Variants in CLSTN2 observed in about 807,000 individuals in gnomAD.
CLSTN2 encodes the protein calsyntenin-2.
A neutral mutation model predicts 101.2 loss-of-function variants in CLSTN2; 48 were observed. That is an observed-to-expected ratio of 0.47 (90% confidence interval 0.38 to 0.60). The LOEUF (loss-of-function observed/expected upper bound fraction) is 0.60, where lower values mean the gene tolerates loss of function less well. Among genes scored for constraint, CLSTN2 ranks in the 20% least tolerant of loss-of-function variants. The pLI is 0.00. For missense variants in CLSTN2, 1,160 were observed against 1,238.2 expected (o/e 0.94, Z 0.95); for synonymous variants, 481 against 463.6 (o/e 1.04, Z -0.48).
At chr3:140,282,157 G>A (rs1036450348) in intron 2 of CLSTN2, among the ~76,000 whole-genome samples, 4 of 152,128 alleles carry the variant, frequency 2.6e-5, no homozygotes, top group Admixed American at 1.3e-4. Context: ...CTTACATGAT[G>A]TTCTGCTCAG....
At chr3:140,040,050 C>T (rs952155824) in intron 1 of CLSTN2, among the ~76,000 whole-genome samples, 1 of 152,142 alleles carries the variant, frequency 6.6e-6, no homozygotes, top group Non-Finnish European at 1.5e-5. Flanking sequence ...ATAAGCCAAG[C>T]ATTTTACTAG....
At chr3:140,043,878 G>A (rs1010363796) in intron 1 of CLSTN2, among the ~76,000 whole-genome samples, 4 of 152,070 alleles carry the variant, frequency 2.6e-5, no homozygotes, top group Admixed American at 1.3e-4. Flanking sequence ...TGTTCCATTG[G>A]TCTATATCTC....
At chr3:139,967,104 C>T (rs1203973092) in intron 1 of CLSTN2, among the ~76,000 whole-genome samples, 2 of 152,112 alleles carry the variant, frequency 1.3e-5, no homozygotes, top group Non-Finnish European at 2.9e-5. Flanking sequence ...GCAGGGCTGA[C>T]CCCTGGGCCA....
chr3:139,948,637 G>T (rs1381194172), intron 1 of CLSTN2, among the ~76,000 whole-genome samples: 1 of 152,084 alleles, frequency 6.6e-6, no homozygotes, highest in Non-Finnish European at 1.5e-5. Flanking sequence ...TGAAGTGGTG[G>T]CTCATAGCAA....
intron 2 of CLSTN2, among the ~76,000 whole-genome samples, chr3:140,334,400 G>C (rs1045889311): frequency 6.6e-6 from 1 of 152,180 alleles, no homozygotes; most frequent in African/African-American, 2.4e-5. Context: ...CAGTGTTGGT[G>C]GATTCATTCG....
intron 1 of CLSTN2, among the ~76,000 whole-genome samples, chr3:139,997,498 A>C (rs533673649): frequency 2.6e-5 from 4 of 152,176 alleles, no homozygotes; most frequent in Non-Finnish European, 4.4e-5. Context: ...TTTATACATT[A>C]AAGTTCCATG....
At chr3:139,961,409 A>G (rs966069482) in intron 1 of CLSTN2, among the ~76,000 whole-genome samples, 1 of 152,154 alleles carries the variant, frequency 6.6e-6, no homozygotes, top group African/African-American at 2.4e-5. Flanking sequence ...GTGGCAGAGG[A>G]GGCATTAAGT....
At chr3:140,186,079 C>T (rs915625914) in intron 2 of CLSTN2, among the ~76,000 whole-genome samples, 4 of 152,082 alleles carry the variant, frequency 2.6e-5, no homozygotes, top group African/African-American at 7.2e-5. Context: ...GAGTGAAAGA[C>T]CCAAGAAAGC....
At chr3:140,529,073 C>T (rs1034343188) in intron 8 of CLSTN2, among the ~76,000 whole-genome samples, 2 of 152,186 alleles carry the variant, frequency 1.3e-5, no homozygotes, top group Non-Finnish European at 2.9e-5. Context: ...ACTTATATAA[C>T]ACTTGGATCA....
At chr3:140,011,039 G>A (rs932310809) in intron 1 of CLSTN2, among the ~76,000 whole-genome samples, 32 of 152,124 alleles carry the variant, frequency 2.1e-4, no homozygotes, top group Admixed American at 7.9e-4. Flanking sequence ...CCAACCACCT[G>A]CAAAGGGGCA....
intron 10 of CLSTN2, 40 bp from the exon 11 acceptor site, chr3:140,556,473 C>T (rs765098779): frequency 1.2e-6 from 2 of 1,609,170 alleles, no homozygotes; most frequent in Non-Finnish European, 1.7e-6. Flanking sequence ...ATGTACATCA[C>T]TGACCATTCT....
chr3:139,947,290 C>G (rs1298024686), intron 1 of CLSTN2, among the ~76,000 whole-genome samples: 2 of 152,206 alleles, frequency 1.3e-5, no homozygotes, highest in Non-Finnish European at 2.9e-5. Flanking sequence ...AGCCAACATG[C>G]AAGGACAGTT....
intron 2 of CLSTN2, among the ~76,000 whole-genome samples, chr3:140,365,213 C>T (rs1205249995): frequency 6.6e-6 from 1 of 152,112 alleles, no homozygotes; most frequent in Non-Finnish European, 1.5e-5. Context: ...AAGGAACTAA[C>T]AAACTCATGT....
chr3:140,508,723 C>T (rs578174753), intron 8 of CLSTN2: 14 of 150,932 alleles, frequency 9.3e-5, no homozygotes, highest in African/African-American at 3.1e-4. Context: ...CACTTACAAC[C>T]GACAACAGGC....
chr3:140,507,980 C>A (rs574052869), intron 8 of CLSTN2: 1 of 152,320 alleles, frequency 6.6e-6, no homozygotes, highest in African/African-American at 2.4e-5. Flanking sequence ...GAAATTTCCC[C>A]TGAGCCAACT....
chr3:140,270,745 C>A (rs377676453), intron 2 of CLSTN2, among the ~76,000 whole-genome samples: 1 of 152,100 alleles, frequency 6.6e-6, no homozygotes, highest in Admixed American at 6.6e-5. Context: ...GCATTTCTGG[C>A]GAATTTCCTC....
chr3:140,292,570 C>T (rs1279646092), intron 2 of CLSTN2, among the ~76,000 whole-genome samples: 2 of 152,156 alleles, frequency 1.3e-5, no homozygotes, highest in African/African-American at 4.8e-5. Flanking sequence ...CTAGTTACCC[C>T]AGCACTTCAG....
At chr3:139,988,546 G>C (rs1936066637) in intron 1 of CLSTN2, among the ~76,000 whole-genome samples, 1 of 152,160 alleles carries the variant, frequency 6.6e-6, no homozygotes, top group Non-Finnish European at 1.5e-5. Flanking sequence ...TATAGTCCCT[G>C]CCCCAGAAAC....
chr3:140,088,245 T>A (rs1228560340), intron 1 of CLSTN2, among the ~76,000 whole-genome samples: 1 of 152,228 alleles, frequency 6.6e-6, no homozygotes, highest in African/African-American at 2.4e-5. Flanking sequence ...GGCAACATTT[T>A]CTATTAACAG....
Sources: gnomAD v4.1 joint callset for allele counts (sites outside exome capture counted in the v4.1 genomes callset) on GRCh38, gnomAD v4.1.1 for gene constraint, MANE v1.5 for transcripts, NCBI Gene and HGNC (gene_info 2026-07-23, HGNC 2026-07-21) for gene names.